OPCML: variants seen among roughly 807,000 people sequenced by gnomAD.
OPCML encodes the protein opioid binding protein/cell adhesion molecule like, also known as opioid-binding protein/cell adhesion molecule.
In OPCML, 13 loss-of-function variants were observed where a neutral mutation model predicts 37.8. The observed-to-expected ratio is 0.34, with a 90% CI of 0.22 to 0.55. The LOEUF is 0.55. Ranked by LOEUF, OPCML falls within the 20% of genes least tolerant of loss-of-function variation. The pLI is 0.91. For missense variants in OPCML, 341 were observed against 435.6 expected (o/e 0.78, Z 1.93); for synonymous variants, 176 against 168.8 (o/e 1.04, Z -0.33).
chr11:133,006,992 A>T (rs1947125867), intron 1 of OPCML: 1 of 985,444 alleles, frequency 1.0e-6, no homozygotes, highest in African/African-American at 1.7e-5. Flanking sequence ...TTCTCCCTCT[A>T]AAGCAATCAT....
At chr11:133,151,533 G>A (rs7118286) in intron 1 of OPCML, among the ~76,000 whole-genome samples, 10,027 of 152,114 alleles carry the variant, frequency 0.066, 489 homozygotes, top group African/African-American at 0.14. Context: ...ATTTATAAAA[G>A]AGCTTTGGTA....
intron 3 of OPCML, among the ~76,000 whole-genome samples, chr11:132,589,063 A>G (rs959910515): frequency 3.3e-5 from 5 of 152,192 alleles, no homozygotes; most frequent in Non-Finnish European, 7.3e-5. Context: ...TACGCAATAA[A>G]TAATGTCTAT....
intron 3 of OPCML, among the ~76,000 whole-genome samples, chr11:132,633,229 G>GTCTC (rs1010300896): frequency 1.3e-5 from 2 of 152,104 alleles, no homozygotes; most frequent in African/African-American, 4.8e-5. Flanking sequence ...CTGAGACAGA[G>GTCTC]TCTCGCTCTG....
At chr11:133,305,082 A>C (rs1217872577) in intron 1 of OPCML, among the ~76,000 whole-genome samples, 1 of 152,138 alleles carries the variant, frequency 6.6e-6, no homozygotes, top group Admixed American at 6.5e-5. Context: ...TCCTAACTTC[A>C]TTCTCCCTCA....
chr11:133,050,662 A>C (rs980964277), intron 1 of OPCML, among the ~76,000 whole-genome samples: 8 of 151,170 alleles, frequency 5.3e-5, no homozygotes, highest in Non-Finnish European at 1.2e-4. Context: ...CCTTCTTAGG[A>C]TTTAGTTTCA....
chr11:132,947,169 A>T (rs759012530), intron 1 of OPCML, among the ~76,000 whole-genome samples: 1 of 152,166 alleles, frequency 6.6e-6, no homozygotes, highest in Non-Finnish European at 1.5e-5. Context: ...CTCATAAAAG[A>T]TTGCTTGAGA....
chr11:132,839,758 T>G (rs1479882093), intron 2 of OPCML, among the ~76,000 whole-genome samples: 4 of 152,156 alleles, frequency 2.6e-5, no homozygotes, highest in Admixed American at 2.6e-4. Flanking sequence ...CAGATGCAAA[T>G]ATGGTTGCTT....
chr11:133,315,617 G>A (rs1052117130), intron 1 of OPCML, among the ~76,000 whole-genome samples: 1 of 152,178 alleles, frequency 6.6e-6, no homozygotes, highest in African/African-American at 2.4e-5. Flanking sequence ...TGGTCAACAT[G>A]GTGAATCCCT....
At chr11:132,463,838 C>A (rs1028091961) in intron 4 of OPCML, among the ~76,000 whole-genome samples, 1 of 152,140 alleles carries the variant, frequency 6.6e-6, no homozygotes, top group Non-Finnish European at 1.5e-5. Flanking sequence ...ATAGGTTTGA[C>A]TATTGCTAGT....
At chr11:133,314,625 T>C (rs889863718) in intron 1 of OPCML, among the ~76,000 whole-genome samples, 8 of 151,948 alleles carry the variant, frequency 5.3e-5, no homozygotes, top group African/African-American at 1.9e-4. Context: ...CATATTCATG[T>C]CTTTCCCACA....
At chr11:132,488,130 GA>G (rs1436672265) in intron 4 of OPCML, among the ~76,000 whole-genome samples, 1 of 152,194 alleles carries the variant, frequency 6.6e-6, no homozygotes, top group African/African-American at 2.4e-5. Context: ...TCTCTGCCAG[GA>G]AAACCTGGTT....
intron 2 of OPCML, among the ~76,000 whole-genome samples, chr11:132,805,338 T>C (rs1938938101): frequency 1.3e-5 from 2 of 151,788 alleles, no homozygotes; most frequent in Admixed American, 6.6e-5. Flanking sequence ...TTTTGTGCAA[T>C]TGGTGCCTAA....
chr11:132,433,067 A>C (rs1009700394), intron 7 of OPCML, among the ~76,000 whole-genome samples: 2 of 152,168 alleles, frequency 1.3e-5, no homozygotes, highest in African/African-American at 4.8e-5. Context: ...AGTGTGTGCC[A>C]ACAGGGTGAA....
chr11:133,374,810 C>T (rs1266912227), intron 1 of OPCML, among the ~76,000 whole-genome samples: 2 of 152,118 alleles, frequency 1.3e-5, no homozygotes, highest in Non-Finnish European at 2.9e-5. Flanking sequence ...AGTATTTGGC[C>T]TCAGTTCCCC....
intron 2 of OPCML, among the ~76,000 whole-genome samples, chr11:132,937,497 T>A (rs562596481): frequency 1.0e-4 from 15 of 148,362 alleles, no homozygotes; most frequent in Admixed American, 2.7e-4. Flanking sequence ...AGAGAGAGAG[T>A]GTGTGTGTAT....
At chr11:132,925,649 C>G (rs1944963814) in intron 2 of OPCML, among the ~76,000 whole-genome samples, 1 of 152,178 alleles carries the variant, frequency 6.6e-6, no homozygotes, top group African/African-American at 2.4e-5. Flanking sequence ...CTAGAAGACT[C>G]TGACTCCAGG....
chr11:132,441,429 A>G (rs2096034824), intron 4 of OPCML, among the ~76,000 whole-genome samples: 1 of 151,832 alleles, frequency 6.6e-6, no homozygotes, highest in Admixed American at 6.5e-5. Flanking sequence ...CGGCCTCCCA[A>G]AGTGCTGGGA....
chr11:132,694,430 C>G (rs942549520), intron 2 of OPCML, among the ~76,000 whole-genome samples: 1 of 151,942 alleles, frequency 6.6e-6, no homozygotes, highest in Non-Finnish European at 1.5e-5. Flanking sequence ...ATTTCCTGAC[C>G]TCGTGATCTG....
intron 1 of OPCML, among the ~76,000 whole-genome samples, chr11:133,349,418 T>G (rs1749191172): frequency 6.6e-6 from 1 of 152,188 alleles, no homozygotes; most frequent in South Asian, 2.1e-4. Flanking sequence ...GGGAAGTACC[T>G]GAACCAGGTA....
Sources: allele counts gnomAD v4.1 joint callset (sites outside exome capture counted in the v4.1 genomes callset), GRCh38; gene constraint gnomAD v4.1.1; transcripts MANE v1.5; gene names NCBI Gene and HGNC (gene_info 2026-07-23, HGNC 2026-07-21).